Variants in PUM1 observed in about 807,000 individuals in gnomAD.
PUM1 encodes pumilio homolog 1.
Under a neutral mutation model 131.8 loss-of-function variants are expected in PUM1, and 13 were observed. The ratio of observed to expected loss-of-function variants is 0.10; its 90% CI spans 0.06 to 0.16. The LOEUF (loss-of-function observed/expected upper bound fraction) is 0.16. Among genes scored for constraint, PUM1 ranks in the 10% least tolerant of loss-of-function variants. The pLI is 1.00. For synonymous variants in PUM1, 509 were observed against 556.5 expected (o/e 0.91, Z 1.20); for missense variants, 961 against 1,512.4 (o/e 0.64, Z 6.05).
intron 7 of PUM1, chr1:30,981,948 T>C (rs1327251250): frequency 6.6e-6 from 1 of 152,214 alleles, no homozygotes; most frequent in Non-Finnish European, 1.5e-5. Flanking sequence ...ATATGAAAAG[T>C]GTTCACTTCA....
chr1:31,023,924 C>CAAA (rs11373685), intron 3 of PUM1, among the ~76,000 whole-genome samples: 34 of 82,040 alleles, frequency 4.1e-4, no homozygotes, highest in South Asian at 1.2e-3. Flanking sequence ...GACTCTGTCT[C>CAAA]AAAAAAAAAA....
Position 31,062,386 on chromosome 1 carries a change from G to T in PUM1, c.-11-2809C>A, listed in dbSNP as rs144109416. Among the ~76,000 whole-genome samples the T allele has an allele frequency of 1.1e-3, 172 of 152,234 alleles. No individual in the cohort carries two copies. In the East Asian group the frequency reaches 0.03, roughly 26 times the overall value. On this transcript the variant is annotated intron_variant, in intron 1 of 21. Transcript: ENST00000426105. ...GCCTGTAATCCCAGCACTTTGGGAG[G>T]CGGAGGCAGGCGCATCTCCAGGTCA...
intron 17 of PUM1, 54 bp downstream of exon 17, chr1:30,950,073 A>C: frequency 6.3e-7 from 1 of 1,577,876 alleles, no homozygotes; most frequent in Non-Finnish European, 8.6e-7. Context: ...GGTTCACTAC[A>C]TGTACCATGG....
At chr1:30,957,170 C>A (rs568795004) in intron 14 of PUM1, among the ~76,000 whole-genome samples, 11 of 149,914 alleles carry the variant, frequency 7.3e-5, no homozygotes, top group African/African-American at 2.7e-4. Flanking sequence ...TGAAATTTTC[C>A]TAGGTACTAA....
chr1:31,010,431 T>C (rs1642570217), intron 3 of PUM1, among the ~76,000 whole-genome samples: 1 of 152,210 alleles, frequency 6.6e-6, no homozygotes, highest in Non-Finnish European at 1.5e-5. Context: ...GTGATTTCCA[T>C]CTTGCTTGTC....
At chr1:31,052,259 G>A (rs1403972984) in intron 2 of PUM1, among the ~76,000 whole-genome samples, 1 of 152,072 alleles carries the variant, frequency 6.6e-6, no homozygotes, top group Non-Finnish European at 1.5e-5. Flanking sequence ...TGATCCGCCT[G>A]CCTCGGCCTC....
chr1:31,047,069 T>TGTGCATAACCCAGCTG, intron 2 of PUM1, among the ~76,000 whole-genome samples: 1 of 152,104 alleles, frequency 6.6e-6, no homozygotes, highest in Non-Finnish European at 1.5e-5. Context: ...TGCACACCCC[T>TGTGCATAACCCAGCTG]AGTCCCAGCT....
chr1:31,027,180 A>T (rs936561799), intron 3 of PUM1, among the ~76,000 whole-genome samples: 2 of 152,302 alleles, frequency 1.3e-5, no homozygotes, highest in African/African-American at 4.8e-5. Context: ...ACAGTGGCTC[A>T]TGCCTGTAAT....
At chr1:30,979,593 GA>G (rs1429054257) in intron 9 of PUM1, among the ~76,000 whole-genome samples, 1 of 151,888 alleles carries the variant, frequency 6.6e-6, no homozygotes, top group Non-Finnish European at 1.5e-5. Context: ...TACTAGGGTA[GA>G]AAAAAGGGAA....
At chr1:30,964,419 G>T (rs1424439656) in intron 14 of PUM1, among the ~76,000 whole-genome samples, 1 of 152,088 alleles carries the variant, frequency 6.6e-6, no homozygotes, top group Non-Finnish European at 1.5e-5. Context: ...ACTCTCACAG[G>T]TAGCCAAAGA....
intron 2 of PUM1, 85 bp from the exon 3 acceptor site, chr1:31,028,949 C>T: frequency 9.4e-7 from 1 of 1,069,156 alleles, no homozygotes; most frequent in East Asian, 2.4e-5. Context: ...AAAATTTATT[C>T]TATGTTTACT....
intron 18 of PUM1, 51 bp downstream of exon 18, chr1:30,945,295 C>A: frequency 6.3e-7 from 1 of 1,594,720 alleles, no homozygotes; most frequent in Non-Finnish European, 8.6e-7. Flanking sequence ...CTGTTTTCTG[C>A]TCACAAAGGA....
chr1:31,007,121 A>G lies in PUM1; in HGVS notation c.433-19T>C. On this transcript the variant is annotated intron_variant, in intron 3 of 21. Coordinates refer to ENST00000426105, the MANE Select transcript of PUM1 (RefSeq NM_001020658.2). ...AGAGCTGCTGCAAATTAAAAATAAT[A>G]GATGCTTTTAAAGAATTCATAAAGG... 1 of 1,556,736 alleles carries G rather than the reference A, an allele frequency of 6.4e-7. No individual in the cohort carries two copies. The highest frequency in any genetic ancestry group is 8.9e-7 in the Non-Finnish European group (1 of 1,128,424).
chr1:31,002,013 A>G (rs1328548101), intron 5 of PUM1, among the ~76,000 whole-genome samples: 1 of 152,194 alleles, frequency 6.6e-6, no homozygotes, highest in Non-Finnish European at 1.5e-5. Flanking sequence ...CTGTCGGCCC[A>G]CTGACTTTGG....
chr1:30,978,739 TG>T (rs1489222906), intron 9 of PUM1, among the ~76,000 whole-genome samples: 2 of 152,206 alleles, frequency 1.3e-5, no homozygotes, highest in Non-Finnish European at 2.9e-5. Context: ...TGACGGTAAC[TG>T]TGCAACACAC....
chr1:31,019,889 ATATGAATAAACTACACAAG>A (rs1642958770), intron 3 of PUM1, among the ~76,000 whole-genome samples: 2 of 152,060 alleles, frequency 1.3e-5, no homozygotes, highest in Admixed American at 6.6e-5. Flanking sequence ...GTGTTTTTAC[ATATGAATAAACTACACAAG>A]GTTTTTTTTT....
Position 31,005,950 on chromosome 1 carries a change from A to G in PUM1, c.623T>C (p.Leu208Pro). 2.5e-6 allele frequency: 4 copies of G among 1,613,922 alleles called. No homozygotes were observed. The highest frequency in any genetic ancestry group is 4.5e-5 in the East Asian group (2 of 44,854). Reference sequence around the variant, plus strand: ...TCCCCCACTCTCCGATCGTGGGGACAGTACAGAATTGACCTCACTGTTCAC... The same window carrying G: ...TCCCCCACTCTCCGATCGTGGGGACGGTACAGAATTGACCTCACTGTTCAC... Reference protein sequence around the residue: ...FHVNSEVNSVLSPRSESGGLG... With the variant: ...FHVNSEVNSVPSPRSESGGLG... Residue 208 changes from leucine to proline, a missense_variant, in exon 5 of 22, where the codon CTG becomes CCG. Leu to Pro is a moderately conservative substitution (Grantham distance 98, BLOSUM62 -3). Transcript: ENST00000426105.
chr1:30,934,954 T>C (rs1420319428), intron 21 of PUM1, among the ~76,000 whole-genome samples: 1 of 152,204 alleles, frequency 6.6e-6, no homozygotes, highest in African/African-American at 2.4e-5. Flanking sequence ...CACTTAGTAA[T>C]GGAAGAGCTG....
chr1:31,052,233 C>T (rs569599215), intron 2 of PUM1, among the ~76,000 whole-genome samples: 2 of 151,956 alleles, frequency 1.3e-5, no homozygotes, highest in East Asian at 3.9e-4. Context: ...AGGATGGTCT[C>T]GATCTCCTGA....
Sources: allele counts gnomAD v4.1 joint callset (sites outside exome capture counted in the v4.1 genomes callset), GRCh38; gene constraint gnomAD v4.1.1; transcripts MANE v1.5; gene names NCBI Gene and HGNC (gene_info 2026-07-23, HGNC 2026-07-21).